Variants in CYYR1 observed in about 807,000 individuals in gnomAD.
CYYR1 encodes cysteine and tyrosine rich 1, also known as cysteine and tyrosine-rich protein 1.
A neutral mutation model predicts 15.2 loss-of-function variants in CYYR1; 14 were observed. That is an observed-to-expected ratio of 0.92 (90% CI 0.61 to 1.44). CYYR1 has a LOEUF of 1.44. Ranked by LOEUF, CYYR1 falls within the 40% of genes most tolerant of loss-of-function variation. The pLI is 0.00. For synonymous variants in CYYR1, 80 were observed against 77.4 expected (o/e 1.03, Z -0.18); for missense variants, 228 against 209.5 (o/e 1.09, Z -0.54).
At chr21:26,525,828 T>G (rs769035058) in intron 2 of CYYR1, among the ~76,000 whole-genome samples, 2 of 152,214 alleles carry the variant, frequency 1.3e-5, no homozygotes, top group Non-Finnish European at 2.9e-5. Context: ...TTATTATTTT[T>G]TAGCTTGCTG....
chr21:26,487,692 T>A (rs959544175), intron 2 of CYYR1, among the ~76,000 whole-genome samples: 1 of 152,128 alleles, frequency 6.6e-6, no homozygotes, highest in Non-Finnish European at 1.5e-5. Flanking sequence ...ATATTAACAG[T>A]ATTTACTTAT....
rs532547845 is a variant in CYYR1, at chr21:26,572,974, A to G, written c.-34T>C. The G allele has an allele frequency of 1.9e-6, 3 of 1,613,290 alleles. No homozygotes were observed. Among genetic ancestry groups the G allele is most frequent in the Non-Finnish European group, 2.5e-6 (3 of 1,179,712 alleles). On this transcript the variant is annotated 5_prime_UTR_variant, in exon 1 of 4. Transcript: ENST00000652641. ...GTGGCCTGAGGCTTGGAGCGAAGGG[A>G]GAGCCCGGAACCGGAGGGAATGGGG...
In CYYR1 at chr21:26,573,279, A is replaced by G; in HGVS notation, c.-339T>C. ...TCACATTTCATCTCCGCGGGTGGCA[A>G]CGACTGCGGGCAGGGGGCGGGGGTG... On this transcript the variant is annotated 5_prime_UTR_variant, in exon 1 of 4. Coordinates refer to ENST00000652641, the MANE Select transcript of CYYR1 (RefSeq NM_001320768.2). 2 of 1,298,848 alleles carry G rather than the reference A, an allele frequency of 1.5e-6. No homozygotes were observed. Among genetic ancestry groups the G allele is most frequent in the Non-Finnish European group, 2.0e-6 (2 of 1,006,190 alleles). 80.5% of individuals were successfully genotyped at this position (1,298,848 alleles called of 1,614,324 possible). A position where few individuals can be genotyped will look rare whatever the true frequency, so the allele number is the denominator to read the frequency against.
chr21:26,471,880 C>T (rs1222034537), intron 3 of CYYR1, among the ~76,000 whole-genome samples: 1 of 152,148 alleles, frequency 6.6e-6, no homozygotes, highest in Admixed American at 6.6e-5. Context: ...TTATCCTCAA[C>T]ATCTGATACA....
intron 2 of CYYR1, among the ~76,000 whole-genome samples, chr21:26,524,302 C>T (rs537330897): frequency 1.2e-4 from 19 of 152,294 alleles, no homozygotes; most frequent in African/African-American, 4.6e-4. Flanking sequence ...AAAGTGCTTA[C>T]TCTCATCTTA....
chr21:26,566,594 C>T (rs906687650), intron 1 of CYYR1, among the ~76,000 whole-genome samples: 1 of 152,112 alleles, frequency 6.6e-6, no homozygotes, highest in African/African-American at 2.4e-5. Flanking sequence ...TCTTCTACAC[C>T]AAGCACCATA....
At chr21:26,483,851 A>G (rs1051441178) in intron 2 of CYYR1, among the ~76,000 whole-genome samples, 2 of 152,050 alleles carry the variant, frequency 1.3e-5, no homozygotes, top group African/African-American at 4.8e-5. Context: ...TCTGTGCCTC[A>G]GTTTCCTCAT....
At chr21:26,503,503 C>T (rs1173967579) in intron 2 of CYYR1, 1 of 152,126 alleles carries the variant, frequency 6.6e-6, no homozygotes, top group African/African-American at 2.4e-5. Flanking sequence ...CTTCAACACA[C>T]TATAATATTC....
At chr21:26,568,780 T>C (rs909489263) in intron 1 of CYYR1, 1 of 151,846 alleles carries the variant, frequency 6.6e-6, no homozygotes, top group Non-Finnish European at 1.5e-5. Context: ...ATAATCTCAT[T>C]AAAAAATGGG....
intron 2 of CYYR1, among the ~76,000 whole-genome samples, chr21:26,489,276 T>C (rs889374918): frequency 6.6e-6 from 1 of 152,178 alleles, no homozygotes; most frequent in Admixed American, 6.5e-5. Context: ...AAAAGTGCTC[T>C]TGAATATGTT....
At chr21:26,558,097 T>C (rs1008014055) in intron 2 of CYYR1, among the ~76,000 whole-genome samples, 1 of 152,188 alleles carries the variant, frequency 6.6e-6, no homozygotes, top group Non-Finnish European at 1.5e-5. Context: ...ACTGGGCAGA[T>C]AGGTAGTGGC....
intron 2 of CYYR1, among the ~76,000 whole-genome samples, chr21:26,517,504 G>A (rs2065747569): frequency 4.6e-5 from 7 of 152,156 alleles, no homozygotes; most frequent in Admixed American, 2.6e-4. Flanking sequence ...GGGGAATGGG[G>A]TATATTAAAA....
intron 2 of CYYR1, among the ~76,000 whole-genome samples, chr21:26,495,159 C>T (rs141424865): frequency 5.3e-5 from 8 of 152,184 alleles, no homozygotes; most frequent in East Asian, 3.9e-4. Flanking sequence ...TGTGGACAGG[C>T]GGAATAAGGA....
At chr21:26,554,086 C>T (rs1753169545) in intron 2 of CYYR1, among the ~76,000 whole-genome samples, 2 of 152,134 alleles carry the variant, frequency 1.3e-5, no homozygotes, top group African/African-American at 2.4e-5. Flanking sequence ...CAAGTCTTGA[C>T]TTAAATGGAG....
At chr21:26,563,948 T>G (rs544874974) in intron 2 of CYYR1, among the ~76,000 whole-genome samples, 11 of 152,344 alleles carry the variant, frequency 7.2e-5, no homozygotes, top group Non-Finnish European at 7.3e-5. Context: ...TACCTAATAT[T>G]TCATTGTGTT....
intron 2 of CYYR1, among the ~76,000 whole-genome samples, chr21:26,497,088 T>C (rs2065414935): frequency 6.6e-6 from 1 of 152,174 alleles, no homozygotes; most frequent in Non-Finnish European, 1.5e-5. Context: ...CAAGTTGCAC[T>C]TGTGCCAAAG....
At chr21:26,516,932 G>A (rs993931370) in intron 2 of CYYR1, among the ~76,000 whole-genome samples, 2 of 151,016 alleles carry the variant, frequency 1.3e-5, no homozygotes, top group Admixed American at 6.6e-5. Context: ...TGGCTAACAC[G>A]GTGAAACCCC....
In CYYR1 at chr21:26,543,741, A is replaced by G. The variant is rs555454675; in HGVS notation, c.176+22525T>C. ...ACCAACAAGGTAAAACCCCGTCTCT[A>G]TTAAAAAATACAAAAATTAGGGGGT... On this transcript the variant is annotated intron_variant, in intron 2 of 3. Transcript: ENST00000652641. Among the ~76,000 whole-genome samples, 5 of 152,236 alleles carry G rather than the reference A, an allele frequency of 3.3e-5. No homozygotes were observed. The East Asian group carries it at 7.7e-4, about 24-fold the overall frequency.
In CYYR1 at chr21:26,544,906, C is replaced by G. The variant is rs1216363999; in HGVS notation, c.176+21360G>C. On this transcript the variant is annotated intron_variant, in intron 2 of 3. Transcript: ENST00000652641. The stretch of plus-strand genomic sequence containing the variant: ...CTGGGCAAAGAAACTGTGATTACCC[C>G]ACTGCCCTCCAGCCTGGGCAACAGA... 6.6e-5 allele frequency among the ~76,000 whole-genome samples: 10 copies of G among 151,996 alleles called. No homozygotes were observed. In the East Asian group the frequency reaches 1.9e-3, roughly 29 times the overall value.
Sources: allele counts gnomAD v4.1 joint callset (sites outside exome capture counted in the v4.1 genomes callset), GRCh38; gene constraint gnomAD v4.1.1; transcripts MANE v1.5; gene names NCBI Gene and HGNC (gene_info 2026-07-23, HGNC 2026-07-21).